Variants in STOML2 observed in about 807,000 individuals in gnomAD.
STOML2 encodes stomatin like 2.
A neutral mutation model predicts 45.7 loss-of-function variants in STOML2; 22 were observed. The observed-to-expected ratio is 0.48, with a 90% confidence interval of 0.34 to 0.69. The LOEUF is 0.69. Ranked by LOEUF, STOML2 falls within the 30% of genes least tolerant of loss-of-function variation. STOML2 has a pLI of 0.01. For synonymous variants in STOML2, 181 were observed against 182.7 expected, an observed-to-expected ratio of 0.99 and a Z score of 0.08; for missense variants, 359 against 466.9, an observed-to-expected ratio of 0.77 and a Z score of 2.13.
At chr9:35,100,877 G>C (rs772523891) in intron 8 of STOML2, 55 bp downstream of exon 8, 1 of 1,613,514 alleles carries the variant, frequency 6.2e-7, no homozygotes, top group African/African-American at 1.3e-5. Context: ...GCGTAGATAA[G>C]AGAACCCCTT....
intron 8 of STOML2, 28 bp from the exon 9 acceptor site, chr9:35,100,754 A>C (rs1340089932): frequency 6.2e-7 from 1 of 1,613,946 alleles, no homozygotes; most frequent in African/African-American, 1.3e-5. Context: ...TAAAAATCAG[A>C]GATCACCGAT....
chr9:35,103,018 C>G, intron 1 of STOML2, 32 bp downstream of exon 1: 1 of 1,613,880 alleles, frequency 6.2e-7, no homozygotes, highest in Non-Finnish European at 8.5e-7. Context: ...AATCTCTGTC[C>G]TGACCCTCTG....
At position 35,100,694 on chromosome 9, in the gene STOML2, G is replaced by T. The variant is rs148002622; in HGVS notation, c.837C>A (p.Ala279=). 6 of 1,613,956 alleles carry T rather than the reference G, an allele frequency of 3.7e-6. No individual in the cohort carries two copies. The African/African-American group carries it at 6.7e-5, about 18-fold the overall frequency. The change falls in exon 9 of 10, where the codon GCC becomes GCA. Residue 279 remains alanine (A), a synonymous_variant. Coordinates refer to ENST00000356493, the MANE Select transcript of STOML2 (RefSeq NM_013442.3). Reference sequence around the variant, plus strand: ...TGGAGAACGCGCTGACATACTGCTCGGCCACAGTCAGTGAAGCTGCTGCAT... The same window carrying T: ...TGGAGAACGCGCTGACATACTGCTCTGCCACAGTCAGTGAAGCTGCTGCAT... The part of the protein sequence containing the change: ...NGDAAASLTV[A]EQYVSAFSKL...
In STOML2 at chr9:35,102,468, G is replaced by C. The variant is rs1829840307; in HGVS notation, c.183+218C>G. 2 of 751,746 alleles carry C rather than the reference G, an allele frequency of 2.7e-6. No homozygotes were observed. The highest frequency in any genetic ancestry group is 4.2e-6 in the Non-Finnish European group (2 of 471,088). 46.6% of individuals were successfully genotyped at this position (751,746 alleles called of 1,614,324 possible). ...TATGCAGACTGAGAGGTAGGGCTGA[G>C]AGTGGGCAGGGGAGATTCCCAAGAA... On this transcript the variant is annotated intron_variant, in intron 2 of 9. Transcript: ENST00000356493. This position sits in a 1 kb window ranked among gnomAD's most constrained non-coding sequence, Gnocchi z 4.8.
At position 35,102,468 on chromosome 9, in the gene STOML2, G is replaced by A. The variant is rs1829840307; in HGVS notation, c.183+218C>T. On this transcript the variant is annotated intron_variant, in intron 2 of 9. Transcript: ENST00000356493. The surrounding 1 kb of genome is among the most constrained non-coding windows in gnomAD (Gnocchi z 4.8). ...TATGCAGACTGAGAGGTAGGGCTGAGAGTGGGCAGGGGAGATTCCCAAGAA... is the reference window on the plus strand; with the variant it reads ...TATGCAGACTGAGAGGTAGGGCTGAAAGTGGGCAGGGGAGATTCCCAAGAA... 2.7e-6 allele frequency: 2 copies of A among 751,746 alleles called. No homozygotes were observed. Among genetic ancestry groups the A allele is most frequent in the Admixed American group, 2.9e-5 (1 of 34,778 alleles). 46.6% of individuals were successfully genotyped at this position (751,746 alleles called of 1,614,324 possible).
intron 9 of STOML2, 93 bp from the exon 10 acceptor site, chr9:35,100,265 G>A (rs1464934128): frequency 2.0e-6 from 3 of 1,517,790 alleles, no homozygotes; most frequent in Admixed American, 1.9e-5. Flanking sequence ...TGGCATGGGG[G>A]CCAGTAAGTT....
chr9:35,100,883 C>T, intron 8 of STOML2, 49 bp downstream of exon 8: 1 of 1,613,578 alleles, frequency 6.2e-7, no homozygotes, highest in Non-Finnish European at 8.5e-7. Context: ...ATAAGAGAAC[C>T]CCTTCCACTG....
Position 35,099,952 on chromosome 9 carries a change from CA to C in STOML2, c.*82del. The C allele has an allele frequency of 6.5e-7, 1 of 1,535,946 alleles. No homozygotes were observed. Among genetic ancestry groups the C allele is most frequent in the Non-Finnish European group, 8.8e-7 (1 of 1,135,494 alleles). Reference sequence around the variant, plus strand: ...AAAGTTCAAATAAAAAAATAAAAACCAAAATCTTGGCAGGGAAGCTAGAGCC... The same window carrying C: ...AAAGTTCAAATAAAAAAATAAAAACCAAATCTTGGCAGGGAAGCTAGAGCC... On this transcript the variant is annotated 3_prime_UTR_variant, in exon 10 of 10. Coordinates refer to ENST00000356493, the MANE Select transcript of STOML2 (RefSeq NM_013442.3).
Position 35,099,822 on chromosome 9 carries a change from C to T in STOML2, c.*213G>A, listed in dbSNP as rs1203347662. ...CACTCTTATTCATGGAGGCATCATG[C>T]TGACAGGACTGGATCCAAGGAAAAT... On this transcript the variant is annotated 3_prime_UTR_variant, in exon 10 of 10. Transcript: ENST00000356493. The T allele has an allele frequency of 1.9e-6, 1 of 537,530 alleles. No individual in the cohort carries two copies. The allele number at this position is 537,530 out of a possible 1,614,324, so 33.3% of individuals were successfully genotyped here.
In STOML2 at chr9:35,102,481, A is replaced by C. The variant is rs552054593; in HGVS notation, c.183+205T>G. On this transcript the variant is annotated intron_variant, in intron 2 of 9. Transcript: ENST00000356493. This position sits in a 1 kb window ranked among gnomAD's most constrained non-coding sequence, Gnocchi z 4.8. ...AGGTAGGGCTGAGAGTGGGCAGGGG[A>C]GATTCCCAAGAATGGGGCCTGTGAG... 62 of 828,226 alleles carry C rather than the reference A, an allele frequency of 7.5e-5. No homozygotes were observed. Among genetic ancestry groups the C allele is most frequent in the Middle Eastern group, 3.7e-4 (1 of 2,724 alleles). The allele number at this position is 828,226 out of a possible 1,614,324, so 51.3% of individuals were successfully genotyped here.
At position 35,102,786 on chromosome 9, in the gene STOML2, G is replaced by A. The variant is rs1294294803; in HGVS notation, c.83C>T (p.Ala28Val). 3 of 1,613,950 alleles carry A rather than the reference G, an allele frequency of 1.9e-6. No homozygotes were observed. The highest frequency in any genetic ancestry group is 2.5e-6 in the Non-Finnish European group (3 of 1,179,990). The change falls in exon 2 of 10, where the codon GCC becomes GTC. Residue 28 changes from alanine (A) to valine (V), a missense_variant. Transcript: ENST00000356493. The surrounding 1 kb of genome is among the most constrained non-coding windows in gnomAD (Gnocchi z 4.8). ...LLASGRAPRR[A>V]SSGLPRNTVV... ...GGTGTTTCGGGGCAATCCAGAGGAGGCGCGGCGCGGAGCGCGGCCAGAAGC... is the reference window on the plus strand; with the variant it reads ...GGTGTTTCGGGGCAATCCAGAGGAGACGCGGCGCGGAGCGCGGCCAGAAGC...
chr9:35,102,482 G>A lies in STOML2; in HGVS notation c.183+204C>T. The A allele has an allele frequency of 4.7e-6, 4 of 847,532 alleles. No homozygotes were observed. In the South Asian group the frequency reaches 6.9e-5, roughly 15 times the overall value. The allele number at this position is 847,532 out of a possible 1,614,324, so 52.5% of individuals were successfully genotyped here. A position where few individuals can be genotyped will look rare whatever the true frequency, so the allele number is the denominator to read the frequency against. On this transcript the variant is annotated intron_variant, in intron 2 of 9. Transcript: ENST00000356493. The surrounding 1 kb of genome is among the most constrained non-coding windows in gnomAD (Gnocchi z 4.8). ...GGTAGGGCTGAGAGTGGGCAGGGGA[G>A]ATTCCCAAGAATGGGGCCTGTGAGA...
Position 35,100,065 on chromosome 9 carries a change from ATC to A in STOML2, c.1039_1040del (p.Asp347Ter). 6.2e-7 allele frequency: 1 copy of A among 1,614,192 alleles called. No individual in the cohort carries two copies. Among genetic ancestry groups the A allele is most frequent in the Non-Finnish European group, 8.5e-7 (1 of 1,180,026 alleles). ...RDVQGTDASL[D>X]EELDRVKMS ...TCATCTTGACTCGATCAAGTTCCTC[ATC>A]AAGACTTGCATCTGTACCCTGGACA... On this transcript the variant is annotated frameshift_variant, in exon 10 of 10. Transcript: ENST00000356493. LOFTEE classifies it high-confidence loss of function.
At position 35,100,188 on chromosome 9, in the gene STOML2, G is replaced by A; in HGVS notation, c.934-16C>T. The A allele has an allele frequency of 1.2e-6, 2 of 1,613,502 alleles. No homozygotes were observed. The highest frequency in any genetic ancestry group is 8.5e-7 in the Non-Finnish European group (1 of 1,179,640). The stretch of plus-strand genomic sequence containing the variant: ...CACCCATGGCCTGAGGAGAGGAACA[G>A]AGAGAATACCATGAGGACACTTGAC... On this transcript the variant is annotated splice_polypyrimidine_tract_variant and intron_variant, in intron 9 of 9. Coordinates refer to ENST00000356493, the MANE Select transcript of STOML2 (RefSeq NM_013442.3).
Position 35,102,149 on chromosome 9 carries a change from G to A in STOML2, c.229C>T (p.Gln77Ter). 1 of 1,613,930 alleles carries A rather than the reference G, an allele frequency of 6.2e-7. No homozygotes were observed. Among genetic ancestry groups the A allele is most frequent in the African/African-American group, 1.3e-5 (1 of 74,928 alleles). ...IPVLDRIRYV[Q>*]SLKEIVINVP... ...TTGATGACAATTTCCTTGAGACTCT[G>A]CACATATCGGATCCGGTCTAACACA... Residue 77 changes from glutamine to a stop codon, truncating the protein, a stop_gained, in exon 3 of 10, where the codon CAG becomes TAG. Transcript: ENST00000356493. LOFTEE classifies it high-confidence loss of function. The surrounding 1 kb of genome is among the most constrained non-coding windows in gnomAD (Gnocchi z 4.8).
chr9:35,102,262 G>A lies in STOML2; in HGVS notation c.184-68C>T, dbSNP rs1233592496. 1 of 1,354,464 alleles carries A rather than the reference G, an allele frequency of 7.4e-7. No homozygotes were observed. The highest frequency in any genetic ancestry group is 1.5e-5 in the African/African-American group (1 of 68,718). The allele number at this position is 1,354,464 out of a possible 1,614,324, so 83.9% of individuals were successfully genotyped here. ...TGGGTTGGGACCTAAGCTAGTCCTG[G>A]AGTATGTAGGGAGTCAACACATGGA... On this transcript the variant is annotated intron_variant, in intron 2 of 9. Transcript: ENST00000356493. The surrounding 1 kb of genome is among the most constrained non-coding windows in gnomAD (Gnocchi z 4.8).
rs554318022 is a variant in STOML2, at chr9:35,102,348, A to G, written c.184-154T>C. ...TAAGTCCTCAGAAGGCTGAGGTGTCACTGGTAAGAAAACCCAAGAGAACAG... is the reference window on the plus strand; with the variant it reads ...TAAGTCCTCAGAAGGCTGAGGTGTCGCTGGTAAGAAAACCCAAGAGAACAG... On this transcript the variant is annotated intron_variant, in intron 2 of 9. Transcript: ENST00000356493. This position sits in a 1 kb window ranked among gnomAD's most constrained non-coding sequence, Gnocchi z 4.8. 88 of 696,986 alleles carry G rather than the reference A, an allele frequency of 1.3e-4. No individual in the cohort carries two copies. The African/African-American group carries it at 1.3e-3, about 10-fold the overall frequency. 43.2% of individuals were successfully genotyped at this position (696,986 alleles called of 1,614,324 possible).
Position 35,101,818 on chromosome 9 carries a change from T to C in STOML2, c.343-7A>G, listed in dbSNP as rs577518189. The C allele has an allele frequency of 1.2e-6, 2 of 1,614,154 alleles. No individual in the cohort carries two copies. Among genetic ancestry groups the C allele is most frequent in the African/African-American group, 2.7e-5 (2 of 75,030 alleles). ...CCTCCACACCGTAGCTTGCCTGAGA[T>C]GGACACGGATAGTGTAAGAAGCTTG... On this transcript the variant is annotated splice_polypyrimidine_tract_variant and splice_region_variant and intron_variant, in intron 4 of 9. Transcript: ENST00000356493. The surrounding 1 kb of genome is among the most constrained non-coding windows in gnomAD (Gnocchi z 4.3).
At position 35,102,657 on chromosome 9, in the gene STOML2, G is replaced by A. The variant is rs2131097248; in HGVS notation, c.183+29C>T. On this transcript the variant is annotated intron_variant, in intron 2 of 9. Coordinates refer to ENST00000356493, the MANE Select transcript of STOML2 (RefSeq NM_013442.3). This position sits in a 1 kb window ranked among gnomAD's most constrained non-coding sequence, Gnocchi z 4.8. Reference sequence around the variant, plus strand: ...TCGTGAGGGATTGGTCATCTGGCTGGCCCAGGGTGGGCAGAAGAGGTTTCT... The same window carrying A: ...TCGTGAGGGATTGGTCATCTGGCTGACCCAGGGTGGGCAGAAGAGGTTTCT... 1 of 1,610,858 alleles carries A rather than the reference G, an allele frequency of 6.2e-7. No homozygotes were observed. Among genetic ancestry groups the A allele is most frequent in the East Asian group, 2.2e-5 (1 of 44,870 alleles).
Sources: gnomAD v4.1 joint callset for allele counts on GRCh38, gnomAD v4.1.1 for gene constraint, Gnocchi (gnomAD v3.1) non-coding constraint, MANE v1.5 for transcripts, NCBI Gene and HGNC (gene_info 2026-07-23, HGNC 2026-07-21) for gene names.